SRSF6: variants seen among roughly 807,000 people sequenced by gnomAD.
SRSF6 encodes the protein serine and arginine rich splicing factor 6.
A neutral mutation model predicts 42.0 loss-of-function variants in SRSF6; 17 were observed. That is an observed-to-expected ratio of 0.40 (90% CI 0.28 to 0.61). The LOEUF (loss-of-function observed/expected upper bound fraction) is 0.61, where lower values mean the gene tolerates loss of function less well. Among genes scored for constraint, SRSF6 ranks in the 20% least tolerant of loss-of-function variants. The pLI, the probability that SRSF6 is intolerant of heterozygous loss-of-function variation, is 0.37. For missense variants in SRSF6, 379 were observed against 471.4 expected (o/e 0.80, Z 1.81); for synonymous variants, 204 against 166.7 (o/e 1.22, Z -1.72).
chr20:43,460,592 G>A lies in SRSF6; in HGVS notation c.668G>A (p.Arg223His), dbSNP rs148216368. 48 of 1,613,952 alleles carry A rather than the reference G, an allele frequency of 3.0e-5. No homozygotes were observed. In the African/African-American group the frequency reaches 4.1e-4, roughly 14 times the overall value. ...RSRSRSISKS[R>H]SRSRSRSKGR... The stretch of plus-strand genomic sequence containing the variant: ...AGATCTCGAAGTATCTCAAAAAGTC[G>A]CTCCCGGTAAATAACGTTGTGTTGA... Residue 223 changes from arginine (R) to histidine (H), a missense_variant, in exon 5 of 6, where the codon CGC becomes CAC. By Grantham distance (29) the Arg-to-His change is conservative. Transcript: ENST00000244020.
In SRSF6 at chr20:43,458,344, C is replaced by T. The variant is rs978702457; in HGVS notation, c.108-17C>T. On this transcript the variant is annotated splice_polypyrimidine_tract_variant and intron_variant, in intron 1 of 5. Transcript: ENST00000244020. ...AACGACTCCCCCGCGGTTGTCCGGC[C>T]CTCGCACCGCCCCTAGGTACGGCTT... 17 of 1,535,144 alleles carry T rather than the reference C, an allele frequency of 1.1e-5. No homozygotes were observed. The highest frequency in any genetic ancestry group is 1.4e-5 in the Non-Finnish European group (16 of 1,143,986).
In SRSF6 at chr20:43,460,554, G is replaced by T. The variant is rs1374650832; in HGVS notation, c.630G>T (p.Arg210Ser). ...SRRRSRSRSRRSSRSRSRSIS... is the reference protein window; with the variant it reads ...SRRRSRSRSRSSSRSRSRSIS... ...GACGGTCACGAAGTAGGAGTCGCAG[G>T]AGCAGCCGCAGTAGATCTCGAAGTA... The change falls in exon 5 of 6, where the codon AGG becomes AGT. Residue 210 changes from arginine (R) to serine (S), a missense_variant. This residue lies in a region of SRSF6 where 219 missense variants were observed against 216.1 expected (regional missense o/e 1.01). Transcript: ENST00000244020. The T allele has an allele frequency of 2.5e-6, 4 of 1,614,042 alleles. No homozygotes were observed. The highest frequency in any genetic ancestry group is 3.4e-6 in the Non-Finnish European group (4 of 1,180,032).
intron 3 of SRSF6, 66 bp from the exon 4 acceptor site, chr20:43,459,967 T>C (rs2017557086): frequency 1.1e-5 from 17 of 1,604,488 alleles, no homozygotes; most frequent in Non-Finnish European, 1.4e-5. Flanking sequence ...TATTCTTATT[T>C]CTGGGAATTT....
chr20:43,460,371 C>G, intron 4 of SRSF6, 130 bp downstream of exon 4: 1 of 1,245,916 alleles, frequency 8.0e-7, no homozygotes, highest in South Asian at 1.3e-5. Flanking sequence ...TGCATCATTG[C>G]GTTCTTTTCT....
At chr20:43,459,246 C>G in intron 2 of SRSF6, 1 of 1,352,144 alleles carries the variant, frequency 7.4e-7, no homozygotes, top group Non-Finnish European at 9.8e-7. Context: ...GACCCTTGCC[C>G]TATGACCCTT....
In SRSF6 at chr20:43,461,327, A is replaced by G. The variant is rs2017586551; in HGVS notation, c.*264A>G. ...CGTAACTTTTGTAAAGATTAAGCTC[A>G]TTTAGTGTTGTTTTTTTTTTTTTTT... On this transcript the variant is annotated 3_prime_UTR_variant, in exon 6 of 6. Transcript: ENST00000244020. 8.5e-6 allele frequency: 1 copy of G among 117,466 alleles called. No homozygotes were observed. Among genetic ancestry groups the G allele is most frequent in the Admixed American group, 1.1e-4 (1 of 9,416 alleles). The allele number at this position is 117,466 out of a possible 1,614,324, so 7.3% of individuals were successfully genotyped here.
rs1467590039 is a variant in SRSF6 at position 43,461,334 on chromosome 20, GTTGTTTTTTTTTTTTTTTTT to G, written c.*274_*293del. 3.4e-4 allele frequency: 19 copies of G among 56,502 alleles called. 3 individuals carry two copies. Among genetic ancestry groups the G allele is most frequent in the African/African-American group, 8.8e-4 (12 of 13,576 alleles). 3.5% of individuals were successfully genotyped at this position (56,502 alleles called of 1,614,324 possible). On this transcript the variant is annotated 3_prime_UTR_variant, in exon 6 of 6. Transcript: ENST00000244020. ...TTTGTAAAGATTAAGCTCATTTAGT[GTTGTTTTTTTTTTTTTTTTT>G]TTTTTTTTTTTTTTTTTTTTAGTAT... is the stretch of plus-strand genomic sequence containing the variant.
chr20:43,458,353 G>C lies in SRSF6; in HGVS notation c.108-8G>C, dbSNP rs760093047. The C allele has an allele frequency of 2.6e-6, 4 of 1,534,792 alleles. No individual in the cohort carries two copies. The highest frequency in any genetic ancestry group is 1.2e-5 in the South Asian group (1 of 83,896). On this transcript the variant is annotated splice_region_variant and splice_polypyrimidine_tract_variant and intron_variant, in intron 1 of 5. Transcript: ENST00000244020. ...CCCGCGGTTGTCCGGCCCTCGCACC[G>C]CCCCTAGGTACGGCTTCGTGGAGTT...
At chr20:43,458,722 G>T (rs1178103130) in intron 2 of SRSF6, among the ~76,000 whole-genome samples, 2 of 152,350 alleles carry the variant, frequency 1.3e-5, no homozygotes, top group East Asian at 3.9e-4. Context: ...TATTTGCCAA[G>T]TTGGGAGGTG....
At chr20:43,459,126 C>T (rs896570295) in intron 2 of SRSF6, 2 of 1,349,688 alleles carry the variant, frequency 1.5e-6, no homozygotes, top group African/African-American at 3.0e-5. Flanking sequence ...AACTTTTTAA[C>T]AAGTCCTTGA....
intron 2 of SRSF6, chr20:43,459,061 G>A (rs1404037479): frequency 3.0e-5 from 36 of 1,198,950 alleles, no homozygotes; most frequent in Non-Finnish European, 3.9e-5. Flanking sequence ...GGAGGTTGGG[G>A]GGATTTTTGG....
rs1035845510 is a variant in SRSF6 at position 43,457,899 on chromosome 20, G to A, written c.-135G>A. 9 of 651,000 alleles carry A rather than the reference G, an allele frequency of 1.4e-5. No individual in the cohort carries two copies. The highest frequency in any genetic ancestry group is 1.4e-4 in the African/African-American group (7 of 51,698). The allele number at this position is 651,000 out of a possible 1,614,324, so 40.3% of individuals were successfully genotyped here. A position where few individuals can be genotyped will look rare whatever the true frequency, so the allele number is the denominator to read the frequency against. On this transcript the variant is annotated 5_prime_UTR_variant, in exon 1 of 6. In the 5' UTR this introduces an upstream ATG that the reference lacks. Coordinates refer to ENST00000244020, the MANE Select transcript of SRSF6 (RefSeq NM_006275.6). ...AAGCCTGGCGCGCGCGCGCGCCATTGTGTGGCTGGACTCGGCCGCCCCTGT... is the reference window on the plus strand; with the variant it reads ...AAGCCTGGCGCGCGCGCGCGCCATTATGTGGCTGGACTCGGCCGCCCCTGT...
chr20:43,459,089 T>C, intron 2 of SRSF6: 1 of 1,325,014 alleles, frequency 7.5e-7, no homozygotes, highest in Non-Finnish European at 1.0e-6. Context: ...AAATGTTTGA[T>C]GTTTAAATTG....
At position 43,461,005 on chromosome 20, in the gene SRSF6, C is replaced by T; in HGVS notation, c.977C>T (p.Ser326Phe). Residue 326 changes from serine (S) to phenylalanine (F), a missense_variant, in exon 6 of 6, where the codon TCC (serine) becomes TTC (phenylalanine). By Grantham distance (155) the Ser-to-Phe change is radical. Coordinates refer to ENST00000244020, the MANE Select transcript of SRSF6 (RefSeq NM_006275.6). ...SPPPKRATSR[S>F]RSRSRSKSRS... is the part of the protein sequence containing the mutation. Reference sequence around the variant, plus strand: ...CCACCAAAAAGAGCTACTTCAAGATCCCGTTCTAGATCTCGCTCAAAGTCA... The same window carrying T: ...CCACCAAAAAGAGCTACTTCAAGATTCCGTTCTAGATCTCGCTCAAAGTCA... 1 of 1,612,498 alleles carries T rather than the reference C, an allele frequency of 6.2e-7. No homozygotes were observed. Among genetic ancestry groups the T allele is most frequent in the Non-Finnish European group, 8.5e-7 (1 of 1,179,480 alleles).
chr20:43,458,000 A>G lies in SRSF6; in HGVS notation c.-34A>G, dbSNP rs1391444526. ...TTACTGGCTTGCGGTCCGCCGTTCG[A>G]CAACCAGCCCTTGGGTCCCCGCCCG... On this transcript the variant is annotated 5_prime_UTR_variant, in exon 1 of 6. Transcript: ENST00000244020. The G allele has an allele frequency of 7.6e-6, 12 of 1,577,852 alleles. No homozygotes were observed. In the African/African-American group the frequency reaches 1.5e-4, roughly 20 times the overall value.
Position 43,457,936 on chromosome 20 carries a change from C to G in SRSF6, c.-98C>G, listed in dbSNP as rs555067736. Reference sequence around the variant, plus strand: ...TCGGCCGCCCCTGTGGTGTGAGGCGCGTGTTCGGGCTCTTGCCGTCCCCGC... The same window carrying G: ...TCGGCCGCCCCTGTGGTGTGAGGCGGGTGTTCGGGCTCTTGCCGTCCCCGC... On this transcript the variant is annotated 5_prime_UTR_variant, in exon 1 of 6. Transcript: ENST00000244020. The G allele has an allele frequency of 1.0e-6, 1 of 995,586 alleles. No homozygotes were observed. Among genetic ancestry groups the G allele is most frequent in the South Asian group, 1.4e-5 (1 of 71,230 alleles). The allele number at this position is 995,586 out of a possible 1,614,324, so 61.7% of individuals were successfully genotyped here. A position where few individuals can be genotyped will look rare whatever the true frequency, so the allele number is the denominator to read the frequency against.
At chr20:43,458,581 C>G in intron 2 of SRSF6, 72 bp downstream of exon 2, 1 of 1,381,970 alleles carries the variant, frequency 7.2e-7, no homozygotes, top group Non-Finnish European at 9.3e-7. Context: ...TGGGGCCTCC[C>G]AGCCCGGGCA....
At position 43,458,519 on chromosome 20, in the gene SRSF6, A is replaced by T. The variant is rs562655362; in HGVS notation, c.256+10A>T. 43 of 1,482,812 alleles carry T rather than the reference A, an allele frequency of 2.9e-5. No homozygotes were observed. In the South Asian group the frequency reaches 5.2e-4, roughly 18 times the overall value. 91.9% of individuals were successfully genotyped at this position (1,482,812 alleles called of 1,614,324 possible). Reference sequence around the variant, plus strand: ...AGCTACGGAAGCCGCAGTGAGTCCCACCCCCGCGCGCTCCGCGCCCTTGGG... The same window carrying T: ...AGCTACGGAAGCCGCAGTGAGTCCCTCCCCCGCGCGCTCCGCGCCCTTGGG... On this transcript the variant is annotated intron_variant, in intron 2 of 5. Transcript: ENST00000244020.
At chr20:43,458,931 C>CT (rs980206654) in intron 2 of SRSF6, among the ~76,000 whole-genome samples, 4 of 151,970 alleles carry the variant, frequency 2.6e-5, no homozygotes, top group African/African-American at 7.3e-5. Context: ...GGTCTTAAAG[C>CT]TATGGAACTT....
Sources: gnomAD v4.1 joint callset for allele counts (sites outside exome capture counted in the v4.1 genomes callset) on GRCh38, gnomAD v4.1.1 for gene constraint, gnomAD v4.1.1 regional missense constraint, MANE v1.5 for transcripts, NCBI Gene and HGNC (gene_info 2026-07-23, HGNC 2026-07-21) for gene names.